The following KCNH8 variants were observed in gnomAD, a reference collection of about 807,000 sequenced individuals.
The protein encoded by KCNH8 is potassium voltage-gated channel subfamily H member 8, also known as voltage-gated delayed rectifier potassium channel KCNH8.
In KCNH8, 70 loss-of-function variants were observed where a neutral mutation model predicts 103.6. The observed-to-expected ratio is 0.68, with a 90% confidence interval of 0.56 to 0.82. The LOEUF (loss-of-function observed/expected upper bound fraction) is 0.82. Among genes scored for constraint, KCNH8 ranks in the 40% least tolerant of loss-of-function variants. The probability of loss-of-function intolerance (pLI) is 0.00; values close to 1 mark genes in which losing one functional copy is unlikely to be tolerated. For missense variants in KCNH8, 1,217 were observed against 1,329.9 expected (o/e 0.92, Z 1.32); for synonymous variants, 498 against 489.4 (o/e 1.02, Z -0.23).
chr3:19,168,705 G>A (rs892638525), intron 1 of KCNH8, among the ~76,000 whole-genome samples: 4 of 152,126 alleles, frequency 2.6e-5, no homozygotes, highest in South Asian at 2.1e-4. Flanking sequence ...CTTCCCATTC[G>A]TGTAACTATC....
intron 11 of KCNH8, 148 bp downstream of exon 11, chr3:19,457,130 ATAAT>A (rs1262111209): frequency 1.8e-6 from 1 of 566,278 alleles, no homozygotes; most frequent in Admixed American, 3.1e-5. Flanking sequence ...AAGCAATTAA[ATAAT>A]TAGCGAGAAG....
At chr3:19,430,622 A>T (rs2067106403) in intron 7 of KCNH8, among the ~76,000 whole-genome samples, 1 of 152,126 alleles carries the variant, frequency 6.6e-6, no homozygotes, top group African/African-American at 2.4e-5. Context: ...ATGAGCATAG[A>T]ATGTTTTCCA....
intron 5 of KCNH8, among the ~76,000 whole-genome samples, chr3:19,364,301 C>T (rs2065983012): frequency 1.3e-5 from 2 of 152,086 alleles, no homozygotes; most frequent in Admixed American, 1.3e-4. Context: ...TAGCCATTCA[C>T]GCTAATCTAG....
At chr3:19,511,384 T>C (rs2125241500) in intron 12 of KCNH8, among the ~76,000 whole-genome samples, 1 of 152,292 alleles carries the variant, frequency 6.6e-6, no homozygotes, top group Non-Finnish European at 1.5e-5. Context: ...GTACAAATAC[T>C]TGACAGGTTA....
intron 5 of KCNH8, among the ~76,000 whole-genome samples, chr3:19,361,563 T>C (rs1021676106): frequency 6.6e-6 from 1 of 152,172 alleles, no homozygotes; most frequent in East Asian, 1.9e-4. Context: ...GGAGATACTT[T>C]AGAAACACAT....
chr3:19,212,884 A>G (rs2063784235), intron 1 of KCNH8, among the ~76,000 whole-genome samples: 2 of 152,226 alleles, frequency 1.3e-5, no homozygotes, highest in Admixed American at 6.5e-5. Flanking sequence ...TAATAATTAT[A>G]GACTTTTGGG....
chr3:19,241,154 C>G (rs368539915), intron 1 of KCNH8, among the ~76,000 whole-genome samples: 67 of 152,124 alleles, frequency 4.4e-4, no homozygotes, highest in African/African-American at 1.6e-3. Flanking sequence ...TTTCCTCTCT[C>G]CCTCTCTTCT....
chr3:19,289,865 T>C (rs1457986349), intron 3 of KCNH8, among the ~76,000 whole-genome samples: 1 of 152,234 alleles, frequency 6.6e-6, no homozygotes, highest in African/African-American at 2.4e-5. Flanking sequence ...ATATTGATTC[T>C]TCCTACCCAT....
chr3:19,406,192 T>G (rs1257110501), intron 7 of KCNH8, among the ~76,000 whole-genome samples: 5 of 152,120 alleles, frequency 3.3e-5, no homozygotes, highest in Non-Finnish European at 7.4e-5. Flanking sequence ...CATTTTAGTC[T>G]TTATATTCTT....
At chr3:19,332,570 C>G (rs145057413) in intron 3 of KCNH8, among the ~76,000 whole-genome samples, 1 of 152,202 alleles carries the variant, frequency 6.6e-6, no homozygotes, top group Non-Finnish European at 1.5e-5. Flanking sequence ...GTTAAGTATA[C>G]GTTTAAGGCT....
At chr3:19,385,138 A>G (rs998394252) in intron 5 of KCNH8, among the ~76,000 whole-genome samples, 3 of 152,154 alleles carry the variant, frequency 2.0e-5, no homozygotes, top group Admixed American at 6.6e-5. Flanking sequence ...GGAGAGGACA[A>G]TGTATTCTGT....
intron 11 of KCNH8, among the ~76,000 whole-genome samples, chr3:19,493,726 G>C (rs1018619399): frequency 6.6e-6 from 1 of 151,652 alleles, no homozygotes; most frequent in Non-Finnish European, 1.5e-5. Context: ...TATTGGCTGT[G>C]GCTTTATTAT....
intron 1 of KCNH8, among the ~76,000 whole-genome samples, chr3:19,188,393 CA>C (rs1165444504): frequency 1.3e-5 from 2 of 151,956 alleles, no homozygotes; most frequent in Non-Finnish European, 2.9e-5. Flanking sequence ...TGCAACTCGG[CA>C]GTTGTAGCGT....
chr3:19,318,754 G>T (rs546977948), intron 3 of KCNH8, among the ~76,000 whole-genome samples: 3 of 151,036 alleles, frequency 2.0e-5, no homozygotes, highest in African/African-American at 7.3e-5. Flanking sequence ...GGTTGTACTA[G>T]TTTACATTCT....
chr3:19,346,959 A>G (rs975932533), intron 4 of KCNH8, among the ~76,000 whole-genome samples: 2 of 152,094 alleles, frequency 1.3e-5, no homozygotes, highest in Non-Finnish European at 2.9e-5. Context: ...TTCAAAGTGA[A>G]GTGCTTTTGC....
At chr3:19,438,445 A>T in intron 8 of KCNH8, 84 bp downstream of exon 8, 1 of 1,105,504 alleles carries the variant, frequency 9.0e-7, no homozygotes, top group Non-Finnish European at 1.3e-6. Context: ...CCTGAAATAC[A>T]AAACAGATAA....
intron 5 of KCNH8, among the ~76,000 whole-genome samples, chr3:19,376,280 G>C (rs921796055): frequency 3.9e-5 from 6 of 152,220 alleles, no homozygotes; most frequent in Admixed American, 1.3e-4. Flanking sequence ...CTCTGAGCCA[G>C]GTGCAGGATA....
At chr3:19,170,416 T>C (rs945834454) in intron 1 of KCNH8, among the ~76,000 whole-genome samples, 2 of 151,706 alleles carry the variant, frequency 1.3e-5, no homozygotes, top group Admixed American at 1.3e-4. Flanking sequence ...TGTAATAGGG[T>C]CTCAAGCTTA....
chr3:19,160,850 T>C (rs182895648), intron 1 of KCNH8, among the ~76,000 whole-genome samples: 9 of 152,284 alleles, frequency 5.9e-5, no homozygotes, highest in Non-Finnish European at 8.8e-5. Context: ...TCATCAACTG[T>C]TGCGGTTTCA....
Sources: gnomAD v4.1 joint callset for allele counts (sites outside exome capture counted in the v4.1 genomes callset) on GRCh38, gnomAD v4.1.1 for gene constraint, MANE v1.5 for transcripts, NCBI Gene and HGNC (gene_info 2026-07-23, HGNC 2026-07-21) for gene names.